Variants in PHC1 observed in about 807,000 individuals in gnomAD.
The protein encoded by PHC1 is polyhomeotic homolog 1.
In PHC1, 12 loss-of-function variants were observed where a neutral mutation model predicts 104.3. That is an observed-to-expected ratio of 0.12 (90% CI 0.07 to 0.19). PHC1 has a LOEUF of 0.19. PHC1 is among the 10% of genes least tolerant of loss of function. The pLI, the probability that PHC1 is intolerant of heterozygous loss-of-function variation, is 1.00. For synonymous variants in PHC1, 302 were observed against 455.8 expected (o/e 0.66, Z 4.30); for missense variants, 671 against 1,200.0 (o/e 0.56, Z 6.51).
chr12:8,921,343 A>G (rs185132139), intron 4 of PHC1, among the ~76,000 whole-genome samples: 112 of 152,290 alleles, frequency 7.4e-4, no homozygotes, highest in African/African-American at 2.5e-3. Context: ...ATGAGAAGTA[A>G]AATCTGTTCT....
At chr12:8,921,456 G>A (rs1945360496) in intron 4 of PHC1, 145 bp from the exon 5 acceptor site, 1 of 761,352 alleles carries the variant, frequency 1.3e-6, no homozygotes. Flanking sequence ...GACAGTTTTG[G>A]ATATGAAGAC....
intron 2 of PHC1, among the ~76,000 whole-genome samples, chr12:8,918,248 T>C (rs778511246): frequency 1.3e-5 from 2 of 152,376 alleles, no homozygotes; most frequent in African/African-American, 4.8e-5. Context: ...AAAATAGTTC[T>C]AATTATTAAA....
intron 6 of PHC1, among the ~76,000 whole-genome samples, chr12:8,925,781 A>G (rs758323638): frequency 8.5e-5 from 13 of 152,212 alleles, no homozygotes; most frequent in Non-Finnish European, 1.9e-4. Flanking sequence ...GATTTTAAAT[A>G]TGGAAGTGTC....
chr12:8,917,429 C>G (rs758032091), intron 1 of PHC1, among the ~76,000 whole-genome samples: 1 of 152,190 alleles, frequency 6.6e-6, no homozygotes, highest in African/African-American at 2.4e-5. Context: ...GACTGCATAG[C>G]TTCAAAAGAT....
chr12:8,914,283 G>A (rs1055125614), upstream of PHC1, among the ~76,000 whole-genome samples: 3 of 152,034 alleles, frequency 2.0e-5, no homozygotes, highest in African/African-American at 7.2e-5. Flanking sequence ...AGCAGAACTC[G>A]GAGAGAAAGA....
At chr12:8,920,532 A>G (rs927909150) in intron 3 of PHC1, among the ~76,000 whole-genome samples, 2 of 151,580 alleles carry the variant, frequency 1.3e-5, no homozygotes, top group African/African-American at 2.4e-5. Flanking sequence ...ATATGGTGAA[A>G]CTCATTCTTT....
chr12:8,932,537 G>A (rs759188452), intron 7 of PHC1, 26 bp from the exon 8 acceptor site: 13 of 1,604,094 alleles, frequency 8.1e-6, no homozygotes, highest in African/African-American at 1.3e-5. Context: ...TTTTCTCTCT[G>A]TTGTATTCTG....
chr12:8,933,260 A>T lies in PHC1; in HGVS notation c.1803A>T (p.Thr601=), dbSNP rs1467020872. ...PGMTLAPVQG[T]AHVVKGGATT... is the part of the protein sequence containing the mutation. ...TGACCCTTGCTCCTGTGCAGGGGAC[A>T]GCACATGTGGTAAAGGGTGGGGCTA... Residue 601 remains threonine (T), a synonymous_variant, in exon 8 of 15, where the codon ACA becomes ACT. Coordinates refer to ENST00000544916, the MANE Select transcript of PHC1 (RefSeq NM_004426.3). 1 of 1,483,138 alleles carries T rather than the reference A, an allele frequency of 6.7e-7. No homozygotes were observed. The allele number at this position is 1,483,138 out of a possible 1,614,324, so 91.9% of individuals were successfully genotyped here.
chr12:8,921,589 T>G lies in PHC1; in HGVS notation c.307-12T>G, dbSNP rs1336668995. 6.2e-7 allele frequency: 1 copy of G among 1,613,188 alleles called. No homozygotes were observed. The highest frequency in any genetic ancestry group is 1.1e-5 in the South Asian group (1 of 90,856). Reference sequence around the variant, plus strand: ...CAAATCCTTAGTCCTGGTTCCTTTCTGTACCACACAGATCAATCTGGCCAC... The same window carrying G: ...CAAATCCTTAGTCCTGGTTCCTTTCGGTACCACACAGATCAATCTGGCCAC... On this transcript the variant is annotated splice_polypyrimidine_tract_variant and intron_variant, in intron 4 of 14. Coordinates refer to ENST00000544916, the MANE Select transcript of PHC1 (RefSeq NM_004426.3).
intron 2 of PHC1, among the ~76,000 whole-genome samples, chr12:8,918,920 T>G (rs1945279072): frequency 6.6e-6 from 1 of 152,190 alleles, no homozygotes; most frequent in Non-Finnish European, 1.5e-5. Context: ...ACTCCGTACC[T>G]AGGTTATACA....
intron 7 of PHC1, 113 bp from the exon 8 acceptor site, chr12:8,932,450 C>A: frequency 8.9e-7 from 1 of 1,123,844 alleles, no homozygotes. Context: ...CTTTTCACCG[C>A]ATAATTCCAA....
intron 13 of PHC1, 117 bp from the exon 14 acceptor site, chr12:8,937,712 T>C (rs1248615250): frequency 2.8e-6 from 2 of 720,350 alleles, no homozygotes; most frequent in East Asian, 5.4e-5. Flanking sequence ...GTGCTGCTTA[T>C]TTCACATATG....
intron 6 of PHC1, among the ~76,000 whole-genome samples, chr12:8,927,442 A>T (rs1342548962): frequency 6.6e-6 from 1 of 152,146 alleles, no homozygotes; most frequent in African/African-American, 2.4e-5. Flanking sequence ...ATGCTGCTTG[A>T]GATGGCAGGA....
In PHC1 at chr12:8,938,296, C is replaced by T. The variant is rs1805732; in HGVS notation, c.2860+236C>T. 0.36 allele frequency among the ~76,000 whole-genome samples: 54,086 copies of T among 152,104 alleles called. 11,068 individuals are homozygous for T. The highest frequency in any genetic ancestry group is 0.46 in the South Asian group (2,227 of 4,832). Reference sequence around the variant, plus strand: ...CTCATCTTATGATGTAGCTGCATTTCTCACTAAATTTTTGGATAAAATGTT... The same window carrying T: ...CTCATCTTATGATGTAGCTGCATTTTTCACTAAATTTTTGGATAAAATGTT... On this transcript the variant is annotated intron_variant, in intron 14 of 14. Transcript: ENST00000544916.
chr12:8,936,714 G>T (rs148564340), intron 11 of PHC1, 142 bp from the exon 12 acceptor site: 18 of 630,856 alleles, frequency 2.9e-5, no homozygotes, highest in Admixed American at 1.4e-4. Context: ...TGAACTTTGC[G>T]TTTTAGGGAT....
rs1053401532 is a variant in PHC1 at position 8,933,234 on chromosome 12, A to T, written c.1777A>T (p.Met593Leu). 5.3e-6 allele frequency: 8 copies of T among 1,495,692 alleles called. No individual in the cohort carries two copies. The Admixed American group carries it at 1.7e-4, about 32-fold the overall frequency. The allele number at this position is 1,495,692 out of a possible 1,614,324, so 92.7% of individuals were successfully genotyped here. The change falls in exon 8 of 15, where the codon ATG (methionine) becomes TTG (leucine). Residue 593 changes from methionine (M) to leucine (L), a missense_variant. Coordinates refer to ENST00000544916, the MANE Select transcript of PHC1 (RefSeq NM_004426.3). ...QECPPTLAPGMTLAPVQGTAH... is the reference protein window; with the variant it reads ...QECPPTLAPGLTLAPVQGTAH... ...GTGCCCTCCCACATTGGCCCCTGGG[A>T]TGACCCTTGCTCCTGTGCAGGGGAC... is the stretch of plus-strand genomic sequence containing the variant.
chr12:8,928,099 G>A (rs975371513), intron 6 of PHC1, among the ~76,000 whole-genome samples: 2 of 151,506 alleles, frequency 1.3e-5, no homozygotes, highest in African/African-American at 4.8e-5. Flanking sequence ...TAGAAGACGG[G>A]GTTTCTCCAT....
intron 1 of PHC1, chr12:8,915,075 T>G (rs915718204): frequency 1.3e-5 from 2 of 152,634 alleles, no homozygotes; most frequent in Admixed American, 1.3e-4. Context: ...CTCATTTTCT[T>G]ATTCATTTTT....
chr12:8,927,566 T>G (rs1945552220), intron 6 of PHC1, among the ~76,000 whole-genome samples: 1 of 152,044 alleles, frequency 6.6e-6, no homozygotes, highest in Non-Finnish European at 1.5e-5. Flanking sequence ...GTGGTGGAAC[T>G]GATGAAGCAA....
Sources: allele counts gnomAD v4.1 joint callset (sites outside exome capture counted in the v4.1 genomes callset), GRCh38; gene constraint gnomAD v4.1.1; transcripts MANE v1.5; gene names NCBI Gene and HGNC (gene_info 2026-07-23, HGNC 2026-07-21).